Variants in SHANK2 observed in about 807,000 individuals in gnomAD.
The protein encoded by SHANK2 is SH3 and multiple ankyrin repeat domains protein 2.
In SHANK2, 43 loss-of-function variants were observed where a neutral mutation model predicts 133.7. That is an observed-to-expected ratio of 0.32 (90% CI 0.25 to 0.41). The LOEUF is 0.41. Among genes scored for constraint, SHANK2 ranks in the 10% least tolerant of loss-of-function variants. The pLI is 1.00. For synonymous variants in SHANK2, 1,017 were observed against 952.8 expected (o/e 1.07, Z -1.24); for missense variants, 1,994 against 2,235.8 (o/e 0.89, Z 2.18).
intron 2 of SHANK2, among the ~76,000 whole-genome samples, chr11:71,160,260 C>T (rs1456063064): frequency 3.3e-5 from 5 of 152,026 alleles, no homozygotes; most frequent in South Asian, 2.1e-4. Context: ...ACTCTGTCAT[C>T]CCCCCTTAAA....
chr11:70,569,215 A>C lies in SHANK2; in HGVS notation c.2062-66284T>G, dbSNP rs376561977. Among the ~76,000 whole-genome samples the C allele has an allele frequency of 1.2e-4, 18 of 151,780 alleles. No individual in the cohort carries two copies. Among genetic ancestry groups the C allele is most frequent in the East Asian group, 9.7e-4 (5 of 5,162 alleles). ...CCAATCGGACTGAGGACAGTCCCAA[A>C]CCCCCGGGCCATCCCGAGCCTAAGT... On this transcript the variant is annotated intron_variant, in intron 17 of 25. Transcript: ENST00000601538. This position sits in a 1 kb window ranked among gnomAD's most constrained non-coding sequence, Gnocchi z 5.1.
chr11:70,487,268 G>T lies in SHANK2; in HGVS notation c.3025C>A (p.Arg1009=). Reference sequence around the variant, plus strand: ...GACTGCTTCACCAGCATCCCCTTCCGCCTGGCGGGCTTGGCGGGGACGTAG... The same window carrying T: ...GACTGCTTCACCAGCATCCCCTTCCTCCTGGCGGGCTTGGCGGGGACGTAG... ...AVYVPAKPAR[R]KGMLVKQSNV... Residue 1009 remains arginine, a synonymous_variant, in exon 25 of 26, where the codon CGG becomes AGG. Coordinates refer to ENST00000601538, the MANE Select transcript of SHANK2 (RefSeq NM_012309.5). The surrounding 1 kb of genome is among the most constrained non-coding windows in gnomAD (Gnocchi z 5.8). 1 of 1,614,210 alleles carries T rather than the reference G, an allele frequency of 6.2e-7. No individual in the cohort carries two copies. The highest frequency in any genetic ancestry group is 8.5e-7 in the Non-Finnish European group (1 of 1,180,050).
At chr11:71,201,138 C>T (rs79715696) in intron 2 of SHANK2, among the ~76,000 whole-genome samples, 6,279 of 152,210 alleles carry the variant, frequency 0.041, 157 homozygotes, top group Non-Finnish European at 0.064. Context: ...ATTAATCTTC[C>T]AATTAGGCCA....
chr11:70,928,392 C>G (rs1378217890), intron 10 of SHANK2, among the ~76,000 whole-genome samples: 2 of 152,158 alleles, frequency 1.3e-5, no homozygotes, highest in Non-Finnish European at 2.9e-5. Context: ...TGTGGCGCAC[C>G]TGGCATGGAT....
At chr11:71,232,268 G>A (rs1381148405) in intron 1 of SHANK2, among the ~76,000 whole-genome samples, 1 of 152,218 alleles carries the variant, frequency 6.6e-6, no homozygotes, top group Admixed American at 6.5e-5. Context: ...AGGGCACCAT[G>A]AGGGGTCCTG....
intron 17 of SHANK2, among the ~76,000 whole-genome samples, chr11:70,524,318 C>G (rs1554971718): frequency 6.6e-6 from 1 of 152,218 alleles, no homozygotes; most frequent in Non-Finnish European, 1.5e-5. Context: ...CTCGCCTTAC[C>G]AGCGTGGATG....
intron 11 of SHANK2, among the ~76,000 whole-genome samples, chr11:70,842,365 G>A (rs959058596): frequency 6.6e-5 from 10 of 152,148 alleles, no homozygotes; most frequent in Non-Finnish European, 1.3e-4. Flanking sequence ...TGGTGACCCC[G>A]AGGTGGTCAA....
chr11:70,698,667 A>G (rs1555022879), intron 15 of SHANK2, 21 bp downstream of exon 15: 1 of 718,628 alleles, frequency 1.4e-6, no homozygotes, highest in East Asian at 2.7e-5. Flanking sequence ...GGGTCCTGGA[A>G]GAGAAAGCAG....
chr11:70,931,936 G>A lies in SHANK2; in HGVS notation c.1108-35369C>T, dbSNP rs546461584. 3.3e-5 allele frequency among the ~76,000 whole-genome samples: 5 copies of A among 152,276 alleles called. No individual in the cohort carries two copies. In the East Asian group the frequency reaches 5.8e-4, roughly 18 times the overall value. On this transcript the variant is annotated intron_variant, in intron 10 of 25. Transcript: ENST00000601538. Reference sequence around the variant, plus strand: ...AAGCCTGTAGAAATCCTAGCAATTCGAAATTAGCATAACAAATATTTTTTT... The same window carrying A: ...AAGCCTGTAGAAATCCTAGCAATTCAAAATTAGCATAACAAATATTTTTTT...
chr11:70,772,095 A>G (rs1947262122), intron 14 of SHANK2, among the ~76,000 whole-genome samples: 1 of 152,222 alleles, frequency 6.6e-6, no homozygotes, highest in Non-Finnish European at 1.5e-5. Context: ...TGCTGACAGC[A>G]GAACATTACA....
At chr11:70,846,351 C>T (rs904740972) in intron 11 of SHANK2, among the ~76,000 whole-genome samples, 3 of 152,144 alleles carry the variant, frequency 2.0e-5, no homozygotes, top group Non-Finnish European at 4.4e-5. Flanking sequence ...GCAGCCTCAA[C>T]CTCCCAGGCT....
chr11:70,848,402 A>G (rs1240997759), intron 11 of SHANK2, among the ~76,000 whole-genome samples: 1 of 152,202 alleles, frequency 6.6e-6, no homozygotes, highest in Non-Finnish European at 1.5e-5. Flanking sequence ...GCCACTTCCC[A>G]AAGTGAGCTC....
In SHANK2 at chr11:70,882,722, C is replaced by A. The variant is rs1238777826; in HGVS notation, c.1174+13779G>T. 1.3e-5 allele frequency among the ~76,000 whole-genome samples: 2 copies of A among 152,210 alleles called. No individual in the cohort carries two copies. The highest frequency in any genetic ancestry group is 2.9e-5 in the Non-Finnish European group (2 of 68,038). ...TCCCCACGGCTTTGCTAAAAGGCGG[C>A]AGTGGCTTATCCTCATGTCCACAGG... On this transcript the variant is annotated intron_variant, in intron 11 of 25. Coordinates refer to ENST00000601538, the MANE Select transcript of SHANK2 (RefSeq NM_012309.5). This position sits in a 1 kb window ranked among gnomAD's most constrained non-coding sequence, Gnocchi z 4.2.
At chr11:70,506,150 C>A (rs2059133930) in intron 17 of SHANK2, among the ~76,000 whole-genome samples, 1 of 152,188 alleles carries the variant, frequency 6.6e-6, no homozygotes, top group African/African-American at 2.4e-5. Flanking sequence ...GGCTGCGGGG[C>A]CAAGGACCTT....
intron 14 of SHANK2, among the ~76,000 whole-genome samples, chr11:70,711,324 G>C (rs1351231539): frequency 2.0e-5 from 3 of 152,278 alleles, no homozygotes; most frequent in African/African-American, 7.2e-5. Flanking sequence ...TGCTGCACCC[G>C]AACGCCTCCC....
At chr11:70,549,276 G>A (rs1334796847) in intron 17 of SHANK2, among the ~76,000 whole-genome samples, 3 of 152,170 alleles carry the variant, frequency 2.0e-5, no homozygotes, top group Non-Finnish European at 2.9e-5. Flanking sequence ...AGGATTCCAC[G>A]CCGACTGAGC....
chr11:71,077,079 T>C (rs1951230688), intron 8 of SHANK2, among the ~76,000 whole-genome samples: 2 of 152,088 alleles, frequency 1.3e-5, no homozygotes, highest in Admixed American at 6.6e-5. Flanking sequence ...CCCTCTAAGC[T>C]GCAACTGACC....
chr11:70,827,203 G>A (rs1440449444), intron 11 of SHANK2, among the ~76,000 whole-genome samples: 1 of 151,402 alleles, frequency 6.6e-6, no homozygotes, highest in African/African-American at 2.4e-5. Flanking sequence ...TGACTTCTCT[G>A]GCTCCCCACC....
In SHANK2 at chr11:70,549,910, G is replaced by A. The variant is rs7119554; in HGVS notation, c.2062-46979C>T. Among the ~76,000 whole-genome samples the A allele has an allele frequency of 9.7e-3, 1,473 of 152,340 alleles. 19 individuals carry two copies. Among genetic ancestry groups the A allele is most frequent in the African/African-American group, 0.033 (1,386 of 41,572 alleles). The stretch of plus-strand genomic sequence containing the variant: ...AAGCTCCGGTTCACTCGCAGCCACC[G>A]CCTCTGGGGGACTTGGTGGGCTCTC... On this transcript the variant is annotated intron_variant, in intron 17 of 25. Transcript: ENST00000601538.
Sources: allele counts gnomAD v4.1 joint callset (sites outside exome capture counted in the v4.1 genomes callset), GRCh38; gene constraint gnomAD v4.1.1; non-coding constraint Gnocchi (gnomAD v3.1); transcripts MANE v1.5; gene names NCBI Gene and HGNC (gene_info 2026-07-23, HGNC 2026-07-21).